The following TBK1 variants were observed in gnomAD, a reference collection of about 807,000 sequenced individuals.
The protein encoded by TBK1 is serine/threonine-protein kinase TBK1.
In TBK1, 37 loss-of-function variants were observed where a neutral mutation model predicts 99.9. The observed-to-expected ratio is 0.37, with a 90% CI of 0.28 to 0.49. TBK1 has a LOEUF of 0.49. Among genes scored for constraint, TBK1 ranks in the 20% least tolerant of loss-of-function variants. TBK1 has a pLI of 0.98. For synonymous variants in TBK1, 258 were observed against 279.8 expected, an observed-to-expected ratio of 0.92 and a Z score of 0.78; for missense variants, 644 against 872.5, an observed-to-expected ratio of 0.74 and a Z score of 3.30.
rs1172736859 is a variant in TBK1 at position 64,484,343 on chromosome 12, A to G, written c.1033A>G (p.Ile345Val). 3 of 1,613,614 alleles carry G rather than the reference A, an allele frequency of 1.9e-6. No individual in the cohort carries two copies. In the South Asian group the frequency reaches 3.3e-5, roughly 18 times the overall value. The change falls in exon 9 of 21, where the codon ATT becomes GTT. Residue 345 changes from isoleucine to valine, a missense_variant. Ile to Val is a conservative substitution (Grantham distance 29, BLOSUM62 3). Around this residue, in one of 3 missense-constraint regions of TBK1, gnomAD observed 465 missense variants for 588.0 expected, o/e 0.79. Transcript: ENST00000331710. ...FHELVYKQTKIISSNQELIYE... is the reference protein window; with the variant it reads ...FHELVYKQTKVISSNQELIYE... ...TGAACTGGTATATAAACAAACCAAA[A>G]TTATTTCTTCAAATCAAGAACTTAT...
In TBK1 at chr12:64,501,539, C is replaced by A; in HGVS notation, c.*158C>A. The A allele has an allele frequency of 1.4e-6, 1 of 692,494 alleles. No homozygotes were observed. The highest frequency in any genetic ancestry group is 2.3e-6 in the Non-Finnish European group (1 of 442,894). 42.9% of individuals were successfully genotyped at this position (692,494 alleles called of 1,614,324 possible). ...ATATTGTAAATACATAAAAAATATA[C>A]AAATTTTTGGCTGCTGTGAAGATGT... On this transcript the variant is annotated 3_prime_UTR_variant, in exon 21 of 21. Coordinates refer to ENST00000331710, the MANE Select transcript of TBK1 (RefSeq NM_013254.4).
At chr12:64,468,161 C>A (rs2040625237) in intron 5 of TBK1, among the ~76,000 whole-genome samples, 1 of 151,812 alleles carries the variant, frequency 6.6e-6, no homozygotes, top group Non-Finnish European at 1.5e-5. Flanking sequence ...GCAATCTGGC[C>A]TGGGCTATAA....
At chr12:64,455,414 A>G (rs2040476263) in intron 1 of TBK1, among the ~76,000 whole-genome samples, 1 of 152,226 alleles carries the variant, frequency 6.6e-6, no homozygotes, top group Non-Finnish European at 1.5e-5. Flanking sequence ...TTAATCTTCA[A>G]CTTAAAGTTA....
At position 64,480,004 on chromosome 12, in the gene TBK1, C is replaced by T; in HGVS notation, c.702-8C>T. 1 of 1,597,786 alleles carries T rather than the reference C, an allele frequency of 6.3e-7. No homozygotes were observed. Among genetic ancestry groups the T allele is most frequent in the Non-Finnish European group, 8.6e-7 (1 of 1,169,526 alleles). The stretch of plus-strand genomic sequence containing the variant: ...TGCTTATTTTATTCTGCTTTTGTTC[C>T]TCCCAAGGTATAAAATAATTACAGG... On this transcript the variant is annotated splice_region_variant and splice_polypyrimidine_tract_variant and intron_variant, in intron 6 of 20. Coordinates refer to ENST00000331710, the MANE Select transcript of TBK1 (RefSeq NM_013254.4).
chr12:64,474,520 T>A, intron 6 of TBK1, 130 bp downstream of exon 6: 1 of 930,116 alleles, frequency 1.1e-6, no homozygotes, highest in Non-Finnish European at 1.6e-6. Flanking sequence ...TTAAGCTACC[T>A]GGTTTTTAAA....
chr12:64,475,282 T>G (rs2040700822), intron 6 of TBK1, among the ~76,000 whole-genome samples: 4 of 152,004 alleles, frequency 2.6e-5, no homozygotes, highest in African/African-American at 9.7e-5. Context: ...TTTCCATTTT[T>G]ATTTTAGATT....
chr12:64,464,571 A>G lies in TBK1; in HGVS notation c.358+108A>G. The G allele has an allele frequency of 3.7e-6, 3 of 812,690 alleles. No homozygotes were observed. In the South Asian group the frequency reaches 8.6e-5, roughly 23 times the overall value. The allele number at this position is 812,690 out of a possible 1,614,324, so 50.3% of individuals were successfully genotyped here. A position where few individuals can be genotyped will look rare whatever the true frequency, so the allele number is the denominator to read the frequency against. On this transcript the variant is annotated intron_variant, in intron 4 of 20. Transcript: ENST00000331710. The stretch of plus-strand genomic sequence containing the variant: ...GAAGACCTTTATGCAATGCTTCATT[A>G]GATATGACACCAAAAGCACAAATAC...
At chr12:64,496,516 A>T in intron 16 of TBK1, 110 bp downstream of exon 16, 1 of 546,120 alleles carries the variant, frequency 1.8e-6, no homozygotes, top group Non-Finnish European at 2.9e-6. Flanking sequence ...AATACATTTT[A>T]ATCTTGATTT....
Position 64,485,493 on chromosome 12 carries a change from G to A in TBK1, c.1228G>A (p.Gly410Arg), listed in dbSNP as rs1262765773. Residue 410 changes from glycine (G) to arginine (R), a missense_variant, in exon 10 of 21, where the codon GGG becomes AGG. Transcript: ENST00000331710. ...PKVHPRYDLD[G>R]DASMAKAITG... ...AGTACATCCACGTTATGATTTAGAC[G>A]GGGATGCTAGCATGGCTAAGGTTAG... 5.1e-6 allele frequency: 8 copies of A among 1,557,132 alleles called. No individual in the cohort carries two copies. The highest frequency in any genetic ancestry group is 2.4e-5 in the South Asian group (2 of 85,020).
chr12:64,462,240 G>A (rs1053262044), intron 3 of TBK1, among the ~76,000 whole-genome samples: 3 of 152,210 alleles, frequency 2.0e-5, no homozygotes, highest in African/African-American at 7.2e-5. Context: ...TCACTGTCCA[G>A]TAGCCAAGGG....
intron 6 of TBK1, among the ~76,000 whole-genome samples, chr12:64,475,833 C>T (rs2040706133): frequency 1.3e-5 from 2 of 152,080 alleles, no homozygotes; most frequent in Admixed American, 6.6e-5. Flanking sequence ...CATACAAGCG[C>T]ATGTCTTTTT....
At chr12:64,499,999 G>A (rs1005303847) in intron 20 of TBK1, among the ~76,000 whole-genome samples, 1 of 152,058 alleles carries the variant, frequency 6.6e-6, no homozygotes, top group African/African-American at 2.4e-5. Flanking sequence ...CCCAGCCAAA[G>A]ATGTGCTTTT....
chr12:64,458,538 T>G lies in TBK1; in HGVS notation c.88-1651T>G, dbSNP rs564659052. Reference sequence around the variant, plus strand: ...ATATATATATATATATATATGGATCTCTATTATTTGTATACACTTTGACTT... The same window carrying G: ...ATATATATATATATATATATGGATCGCTATTATTTGTATACACTTTGACTT... On this transcript the variant is annotated intron_variant, in intron 2 of 20. Coordinates refer to ENST00000331710, the MANE Select transcript of TBK1 (RefSeq NM_013254.4). 3.3e-5 allele frequency among the ~76,000 whole-genome samples: 5 copies of G among 150,958 alleles called. No individual in the cohort carries two copies. In the East Asian group the frequency reaches 7.8e-4, roughly 24 times the overall value.
Position 64,488,476 on chromosome 12 carries a change from T to G in TBK1, c.1341-11T>G. The G allele has an allele frequency of 6.7e-7, 1 of 1,502,968 alleles. No individual in the cohort carries two copies. The highest frequency in any genetic ancestry group is 2.4e-5 in the East Asian group (1 of 41,376). 93.1% of individuals were successfully genotyped at this position (1,502,968 alleles called of 1,614,324 possible). The stretch of plus-strand genomic sequence containing the variant: ...TTAGATAAACTAATTAGAATAATTT[T>G]CTTTTTTTAGTGAATTAATTAAAGA... On this transcript the variant is annotated splice_polypyrimidine_tract_variant and intron_variant, in intron 11 of 20. Transcript: ENST00000331710.
intron 13 of TBK1, 177 bp from the exon 14 acceptor site, chr12:64,495,306 C>T: frequency 1.5e-6 from 1 of 654,720 alleles, no homozygotes; most frequent in Non-Finnish European, 2.5e-6. Flanking sequence ...CATACTGTAC[C>T]CCTGGTGGAA....
chr12:64,496,540 C>G (rs77512797), intron 16 of TBK1, 134 bp downstream of exon 16: 2 of 509,842 alleles, frequency 3.9e-6, no homozygotes, highest in East Asian at 4.1e-5. Context: ...AGGATTGTTA[C>G]AATATGTAGA....
chr12:64,483,722 C>A (rs893319101), intron 8 of TBK1, among the ~76,000 whole-genome samples: 1 of 152,076 alleles, frequency 6.6e-6, no homozygotes, highest in African/African-American at 2.4e-5. Context: ...TATTAATAAT[C>A]TTGGCCAGGC....
chr12:64,452,263 G>C (rs906910264), intron 1 of TBK1, 76 bp downstream of exon 1: 1 of 152,128 alleles, frequency 6.6e-6, no homozygotes, highest in African/African-American at 2.4e-5. Context: ...CGCCCGGCGG[G>C]GAGCGCTCCC....
chr12:64,500,246 A>AT (rs2040974963), intron 20 of TBK1, among the ~76,000 whole-genome samples: 2 of 151,502 alleles, frequency 1.3e-5, no homozygotes, highest in South Asian at 2.1e-4. Flanking sequence ...ATCACTTCAA[A>AT]TTTTTTTTTG....
Sources: allele counts gnomAD v4.1 joint callset (sites outside exome capture counted in the v4.1 genomes callset), GRCh38; gene constraint gnomAD v4.1.1; regional missense constraint gnomAD v4.1.1; transcripts MANE v1.5; gene names NCBI Gene and HGNC (gene_info 2026-07-23, HGNC 2026-07-21).